The following TTC28 variants were observed in gnomAD, a reference collection of about 807,000 sequenced individuals.
The protein encoded by TTC28 is tetratricopeptide repeat protein 28.
In TTC28, 61 loss-of-function variants were observed where a neutral mutation model predicts 198.0. The ratio of observed to expected loss-of-function variants is 0.31; its 90% confidence interval spans 0.25 to 0.38. The LOEUF (loss-of-function observed/expected upper bound fraction) is 0.38, where lower values mean the gene tolerates loss of function less well. TTC28 is among the 10% of genes least tolerant of loss of function. The pLI, the probability that TTC28 is intolerant of heterozygous loss-of-function variation, is 1.00. For synonymous variants in TTC28, 1,171 were observed against 1,297.8 expected (o/e 0.90, Z 2.10); for missense variants, 2,678 against 3,164.0 (o/e 0.85, Z 3.69).
rs1019368784 is a variant in TTC28, at chr22:28,389,325, C to A, written c.382-82682G>T. 4.0e-5 allele frequency among the ~76,000 whole-genome samples: 6 copies of A among 151,864 alleles called. No individual in the cohort carries two copies. The East Asian group carries it at 5.8e-4, about 15-fold the overall frequency. On this transcript the variant is annotated intron_variant, in intron 2 of 22. Coordinates refer to ENST00000397906, the MANE Select transcript of TTC28 (RefSeq NM_001145418.2). ...TCTCCTTTTTGGTTGTGTCTCTGCCCGGCTTTGGTATCAGGATGATGCTGG... is the reference window on the plus strand; with the variant it reads ...TCTCCTTTTTGGTTGTGTCTCTGCCAGGCTTTGGTATCAGGATGATGCTGG...
At chr22:28,422,315 T>C (rs1020693032) in intron 2 of TTC28, among the ~76,000 whole-genome samples, 1 of 152,330 alleles carries the variant, frequency 6.6e-6, no homozygotes, top group African/African-American at 2.4e-5. Context: ...AATGGCTTTT[T>C]TGAACCTACA....
chr22:28,029,982 A>C (rs1205122449), intron 13 of TTC28, among the ~76,000 whole-genome samples: 11 of 152,186 alleles, frequency 7.2e-5, no homozygotes, highest in Non-Finnish European at 4.4e-5. Flanking sequence ...TGGGACTCCT[A>C]TCCCAGCCAA....
At chr22:28,568,896 C>G (rs930134347) in intron 2 of TTC28, among the ~76,000 whole-genome samples, 3 of 152,178 alleles carry the variant, frequency 2.0e-5, no homozygotes, top group Non-Finnish European at 4.4e-5. Flanking sequence ...CCTGTAATCC[C>G]AGCACTTTGG....
chr22:28,031,867 T>C (rs919383543), intron 12 of TTC28, among the ~76,000 whole-genome samples: 5 of 151,910 alleles, frequency 3.3e-5, no homozygotes, highest in African/African-American at 1.2e-4. Context: ...CCAGTGTGAG[T>C]GGGCCTCATC....
At chr22:28,064,267 G>A (rs1940666567) in intron 12 of TTC28, among the ~76,000 whole-genome samples, 1 of 152,152 alleles carries the variant, frequency 6.6e-6, no homozygotes, top group Non-Finnish European at 1.5e-5. Flanking sequence ...ATGTCTGTGG[G>A]TTTGCTGTCT....
chr22:28,252,197 T>C (rs905487288), intron 5 of TTC28, among the ~76,000 whole-genome samples: 3 of 152,212 alleles, frequency 2.0e-5, no homozygotes, highest in Non-Finnish European at 4.4e-5. Flanking sequence ...TTTCCTATTA[T>C]CCAGGAGTAG....
intron 12 of TTC28, among the ~76,000 whole-genome samples, chr22:28,058,559 A>G (rs1940387094): frequency 6.6e-6 from 1 of 152,032 alleles, no homozygotes; most frequent in Non-Finnish European, 1.5e-5. Context: ...TATATGCATG[A>G]GTAATTTGGT....
At chr22:28,588,147 A>C (rs2050353274) in intron 2 of TTC28, among the ~76,000 whole-genome samples, 1 of 150,802 alleles carries the variant, frequency 6.6e-6, no homozygotes, top group South Asian at 2.1e-4. Flanking sequence ...GTCTCAAAAA[A>C]AAAAACAAAC....
At chr22:28,027,838 G>A (rs1033667221) in intron 13 of TTC28, among the ~76,000 whole-genome samples, 1 of 152,262 alleles carries the variant, frequency 6.6e-6, no homozygotes, top group Admixed American at 6.5e-5. Context: ...TGCGAGGCAT[G>A]TTTTGGCACC....
At chr22:28,619,689 T>C (rs951798137) in intron 2 of TTC28, among the ~76,000 whole-genome samples, 8 of 152,232 alleles carry the variant, frequency 5.3e-5, no homozygotes, top group African/African-American at 1.9e-4. Flanking sequence ...GAACTCAAAC[T>C]AACTTGTTGT....
intron 2 of TTC28, among the ~76,000 whole-genome samples, chr22:28,384,285 A>G (rs2046540714): frequency 6.6e-6 from 1 of 152,076 alleles, no homozygotes; most frequent in Non-Finnish European, 1.5e-5. Context: ...ACAAGGTCTC[A>G]TTATGTTGCC....
intron 13 of TTC28, among the ~76,000 whole-genome samples, chr22:28,016,041 C>A (rs1236131728): frequency 2.6e-5 from 4 of 152,108 alleles, no homozygotes; most frequent in Non-Finnish European, 5.9e-5. Flanking sequence ...CTTGGCAATG[C>A]ACCACTTGAC....
Position 28,394,678 on chromosome 22 carries a change from C to G in TTC28, c.382-88035G>C, listed in dbSNP as rs1054039500. Among the ~76,000 whole-genome samples, 8 of 152,190 alleles carry G rather than the reference C, an allele frequency of 5.3e-5. No individual in the cohort carries two copies. In the South Asian group the frequency reaches 6.2e-4, roughly 12 times the overall value. On this transcript the variant is annotated intron_variant, in intron 2 of 22. Coordinates refer to ENST00000397906, the MANE Select transcript of TTC28 (RefSeq NM_001145418.2). ...GCCAAAATGAATTGAAAAGCTGAGA[C>G]AAACAGGGACAGTTTTCTATTCAGT...
At chr22:28,503,739 G>C (rs540422255) in intron 2 of TTC28, among the ~76,000 whole-genome samples, 73 of 152,294 alleles carry the variant, frequency 4.8e-4, no homozygotes, top group Middle Eastern at 3.4e-3. Flanking sequence ...TCAAGATGCT[G>C]ATAAATAATG....
intron 13 of TTC28, among the ~76,000 whole-genome samples, chr22:28,019,259 AT>A (rs1239594419): frequency 2.0e-5 from 3 of 150,554 alleles, no homozygotes; most frequent in East Asian, 1.9e-4. Flanking sequence ...TTTTTAAAAA[AT>A]TTTTTTTTTA....
chr22:28,560,765 T>C (rs773311658), intron 2 of TTC28, among the ~76,000 whole-genome samples: 22 of 152,132 alleles, frequency 1.4e-4, no homozygotes, highest in African/African-American at 1.9e-4. Flanking sequence ...TTTTTGTTTG[T>C]TTGTTTGTTT....
chr22:27,991,743 A>AC (rs1164409433), intron 19 of TTC28, among the ~76,000 whole-genome samples: 1 of 152,128 alleles, frequency 6.6e-6, no homozygotes, highest in Admixed American at 6.5e-5. Flanking sequence ...CTTGGTCCAG[A>AC]CCCTCACTGG....
In TTC28 at chr22:28,248,202, T is replaced by A. The variant is rs1311625386; in HGVS notation, c.933+47996A>T. Among the ~76,000 whole-genome samples the A allele has an allele frequency of 5.3e-5, 8 of 152,292 alleles. No homozygotes were observed. In the East Asian group the frequency reaches 1.5e-3, roughly 29 times the overall value. On this transcript the variant is annotated intron_variant, in intron 5 of 22. Coordinates refer to ENST00000397906, the MANE Select transcript of TTC28 (RefSeq NM_001145418.2). ...ATGGAAACAGCATGTGTTCTTGTATTTGTATTCACTGAACACACCACATGT... is the reference window on the plus strand; with the variant it reads ...ATGGAAACAGCATGTGTTCTTGTATATGTATTCACTGAACACACCACATGT...
At chr22:28,124,138 T>G (rs1275793125) in intron 6 of TTC28, among the ~76,000 whole-genome samples, 1 of 152,102 alleles carries the variant, frequency 6.6e-6, no homozygotes, top group Non-Finnish European at 1.5e-5. Context: ...GCCTCTCCCT[T>G]ATTCTGTAGC....
Sources: allele counts gnomAD v4.1 joint callset (sites outside exome capture counted in the v4.1 genomes callset), GRCh38; gene constraint gnomAD v4.1.1; transcripts MANE v1.5; gene names NCBI Gene and HGNC (gene_info 2026-07-23, HGNC 2026-07-21).